CUL9: variants seen among roughly 807,000 people sequenced by gnomAD.
CUL9 encodes cullin 9, also known as cullin-9.
CUL9 carries 79 observed loss-of-function variants against 272.6 expected under a neutral mutation model. The ratio of observed to expected loss-of-function variants is 0.29; its 90% confidence interval spans 0.24 to 0.35. CUL9 has a LOEUF of 0.35. Ranked by LOEUF, CUL9 falls within the 10% of genes least tolerant of loss-of-function variation. The pLI is 1.00. For synonymous variants in CUL9, 1,186 were observed against 1,286.5 expected, an observed-to-expected ratio of 0.92 and a Z score of 1.67; for missense variants, 2,532 against 3,255.6, an observed-to-expected ratio of 0.78 and a Z score of 5.41.
Position 43,204,101 on chromosome 6 carries a change from T to A in CUL9, c.4159+114T>A, listed in dbSNP as rs561050105. The A allele has an allele frequency of 1.6e-5, 21 of 1,354,026 alleles. No individual in the cohort carries two copies. The African/African-American group carries it at 2.3e-4, about 15-fold the overall frequency. The allele number at this position is 1,354,026 out of a possible 1,614,324, so 83.9% of individuals were successfully genotyped here. On this transcript the variant is annotated intron_variant, in intron 20 of 40. Transcript: ENST00000252050. Reference sequence around the variant, plus strand: ...TCCTGTCTTTATCCCTGAAGGCCTGTCACCTCAGTGTTCCTCTCTCCTTCC... The same window carrying A: ...TCCTGTCTTTATCCCTGAAGGCCTGACACCTCAGTGTTCCTCTCTCCTTCC...
intron 8 of CUL9, among the ~76,000 whole-genome samples, chr6:43,190,195 C>A (rs764674922): frequency 4.0e-5 from 6 of 151,742 alleles, no homozygotes; most frequent in Non-Finnish European, 8.8e-5. Flanking sequence ...ATATTGTCGT[C>A]TTTTTTAATC....
chr6:43,184,680 C>T lies in CUL9; in HGVS notation c.370C>T (p.Arg124Cys), dbSNP rs760368335. The change falls in exon 2 of 41, where the codon CGC becomes TGC. Residue 124 changes from arginine (R) to cysteine (C), a missense_variant. Coordinates refer to ENST00000252050, the MANE Select transcript of CUL9 (RefSeq NM_015089.4). The surrounding 1 kb of genome is among the most constrained non-coding windows in gnomAD (Gnocchi z 4.8). ...GGAGGCTGATGTTCAGGCGCTGGTA[C>T]GCAGGGCGGCCAGGCAGCTGGCAGA... ...EMEADVQALVRRAARQLAESG... is the reference protein window; with the variant it reads ...EMEADVQALVCRAARQLAESG... 2.9e-5 allele frequency: 46 copies of T among 1,612,640 alleles called. No homozygotes were observed. Among genetic ancestry groups the T allele is most frequent in the East Asian group, 4.5e-5 (2 of 44,846 alleles).
intron 6 of CUL9, 132 bp downstream of exon 6, chr6:43,187,571 CTGGGGGT>C: frequency 7.6e-7 from 1 of 1,323,786 alleles, no homozygotes; most frequent in Non-Finnish European, 1.1e-6. Flanking sequence ...AGGAGTCCTG[CTGGGGGT>C]TGGAGGCAAG....
At chr6:43,212,368 AG>A (rs903563595) in intron 26 of CUL9, among the ~76,000 whole-genome samples, 1 of 152,188 alleles carries the variant, frequency 6.6e-6, no homozygotes, top group Non-Finnish European at 1.5e-5. Flanking sequence ...TCATTTCATT[AG>A]GGGTTTTGAA....
At chr6:43,191,481 ATTTTTTT>A (rs34090146) in intron 8 of CUL9, among the ~76,000 whole-genome samples, 4 of 97,454 alleles carry the variant, frequency 4.1e-5, no homozygotes, top group African/African-American at 2.0e-4. Flanking sequence ...CACCCAGCTA[ATTTTTTT>A]TTTTTTTTTT....
rs1582438859 is a variant in CUL9, at chr6:43,221,509, C to T, written c.6753-176C>T. 3.4e-6 allele frequency: 3 copies of T among 876,928 alleles called. No individual in the cohort carries two copies. Among genetic ancestry groups the T allele is most frequent in the East Asian group, 5.3e-5 (2 of 37,708 alleles). The allele number at this position is 876,928 out of a possible 1,614,324, so 54.3% of individuals were successfully genotyped here. A position where few individuals can be genotyped will look rare whatever the true frequency, so the allele number is the denominator to read the frequency against. On this transcript the variant is annotated intron_variant, in intron 34 of 40. Coordinates refer to ENST00000252050, the MANE Select transcript of CUL9 (RefSeq NM_015089.4). This position sits in a 1 kb window ranked among gnomAD's most constrained non-coding sequence, Gnocchi z 4.2. ...TCCTTCTCCCACTCGTAAGTCCACACTGACTGGGGGAGTTCAAAAGCAGAG... is the reference window on the plus strand; with the variant it reads ...TCCTTCTCCCACTCGTAAGTCCACATTGACTGGGGGAGTTCAAAAGCAGAG...
intron 31 of CUL9, among the ~76,000 whole-genome samples, chr6:43,216,844 G>C (rs1268059208): frequency 6.6e-6 from 1 of 152,208 alleles, no homozygotes. Context: ...TCTACAGGAA[G>C]TTTTAAAGCC....
Position 43,205,323 on chromosome 6 carries a change from G to T in CUL9, c.4693G>T (p.Ala1565Ser), listed in dbSNP as rs1774961926. ...QQIQGGLIGGAPGVEMLGQLQ... is the reference protein window; with the variant it reads ...QQIQGGLIGGSPGVEMLGQLQ... ...GATCCAGGGTGGCCTGATTGGTGGAGCCCCTGGAGTGGAAATGCTGGGGCA... is the reference window on the plus strand; with the variant it reads ...GATCCAGGGTGGCCTGATTGGTGGATCCCCTGGAGTGGAAATGCTGGGGCA... Residue 1565 changes from alanine to serine, a missense_variant, in exon 24 of 41, where the codon GCC becomes TCC. Physicochemically the swap from Ala to Ser is moderately conservative, Grantham distance 99. Coordinates refer to ENST00000252050, the MANE Select transcript of CUL9 (RefSeq NM_015089.4). 1 of 1,614,114 alleles carries T rather than the reference G, an allele frequency of 6.2e-7. No homozygotes were observed. Among genetic ancestry groups the T allele is most frequent in the Admixed American group, 1.7e-5 (1 of 60,004 alleles).
chr6:43,213,083 C>G lies in CUL9; in HGVS notation c.5213-66C>G. The G allele has an allele frequency of 1.3e-6, 2 of 1,570,044 alleles. No individual in the cohort carries two copies. Among genetic ancestry groups the G allele is most frequent in the Non-Finnish European group, 1.7e-6 (2 of 1,151,860 alleles). ...GACTAGTAGGAGCAAAGCTTGACAC[C>G]TCAACCCCTAAACCCCTTGTTTCGC... On this transcript the variant is annotated intron_variant, in intron 26 of 40. Coordinates refer to ENST00000252050, the MANE Select transcript of CUL9 (RefSeq NM_015089.4). This position sits in a 1 kb window ranked among gnomAD's most constrained non-coding sequence, Gnocchi z 5.7.
intron 1 of CUL9, among the ~76,000 whole-genome samples, chr6:43,182,461 C>T (rs927648750): frequency 3.3e-5 from 5 of 151,674 alleles, no homozygotes; most frequent in African/African-American, 1.2e-4. Context: ...CCTCCACCTC[C>T]CCACGGCTCT....
intron 7 of CUL9, 36 bp from the exon 8 acceptor site, chr6:43,188,487 G>A: frequency 6.5e-7 from 1 of 1,547,384 alleles, no homozygotes; most frequent in Non-Finnish European, 8.7e-7. Flanking sequence ...AGGTGCCACA[G>A]TTCTTTTAGC....
intron 24 of CUL9, among the ~76,000 whole-genome samples, chr6:43,205,758 G>A (rs1365909888): frequency 6.6e-6 from 1 of 151,948 alleles, no homozygotes; most frequent in African/African-American, 2.4e-5. Context: ...GAACCCGGGA[G>A]GCAGAGGTTG....
intron 9 of CUL9, among the ~76,000 whole-genome samples, chr6:43,195,571 T>C (rs578048565): frequency 6.6e-6 from 1 of 152,172 alleles, no homozygotes; most frequent in African/African-American, 2.4e-5. Context: ...CCTTAGTTCC[T>C]TGGGGCAAAG....
At chr6:43,211,803 T>TA (rs960809092) in intron 26 of CUL9, among the ~76,000 whole-genome samples, 34 of 151,324 alleles carry the variant, frequency 2.2e-4, no homozygotes, top group East Asian at 1.6e-3. Flanking sequence ...ACTCTTTGTT[T>TA]AAAAAAAAAG....
chr6:43,207,110 C>T (rs1341604804), intron 26 of CUL9, among the ~76,000 whole-genome samples: 1 of 152,174 alleles, frequency 6.6e-6, no homozygotes, highest in Non-Finnish European at 1.5e-5. Flanking sequence ...AGCCACTGTG[C>T]CCGGCCAAAA....
At position 43,199,188 on chromosome 6, in the gene CUL9, G is replaced by A. The variant is rs547738481; in HGVS notation, c.3051-78G>A. The A allele has an allele frequency of 7.4e-5, 90 of 1,212,254 alleles. No homozygotes were observed. In the African/African-American group the frequency reaches 1.2e-3, roughly 16 times the overall value. The allele number at this position is 1,212,254 out of a possible 1,614,324, so 75.1% of individuals were successfully genotyped here. A position where few individuals can be genotyped will look rare whatever the true frequency, so the allele number is the denominator to read the frequency against. On this transcript the variant is annotated intron_variant, in intron 12 of 40. Transcript: ENST00000252050. This position sits in a 1 kb window ranked among gnomAD's most constrained non-coding sequence, Gnocchi z 4.4. ...CGACCTCAGGTGATCCGCCCACTTCGGCCTCCCAAAGTGCTGGGATTACAG... is the reference window on the plus strand; with the variant it reads ...CGACCTCAGGTGATCCGCCCACTTCAGCCTCCCAAAGTGCTGGGATTACAG...
intron 8 of CUL9, 93 bp from the exon 9 acceptor site, chr6:43,192,908 A>T: frequency 9.3e-7 from 1 of 1,078,292 alleles, no homozygotes; most frequent in South Asian, 1.4e-5. Context: ...ATCTTGGTGG[A>T]TGGGATTGGT....
Position 43,213,949 on chromosome 6 carries a change from G to A in CUL9, c.5688+37G>A, listed in dbSNP as rs1775730955. Reference sequence around the variant, plus strand: ...GGGGACCATGAAGTTGGCGGAGGGAGGGAGTCATGCTTGGGATTGGGGATG... The same window carrying A: ...GGGGACCATGAAGTTGGCGGAGGGAAGGAGTCATGCTTGGGATTGGGGATG... On this transcript the variant is annotated intron_variant, in intron 29 of 40. Transcript: ENST00000252050. The surrounding 1 kb of genome is among the most constrained non-coding windows in gnomAD (Gnocchi z 5.7). 1 of 1,605,732 alleles carries A rather than the reference G, an allele frequency of 6.2e-7. No individual in the cohort carries two copies. The highest frequency in any genetic ancestry group is 1.3e-5 in the African/African-American group (1 of 74,848).
chr6:43,189,211 G>A (rs977812174), intron 8 of CUL9, among the ~76,000 whole-genome samples: 1 of 138,588 alleles, frequency 7.2e-6, no homozygotes, highest in African/African-American at 2.7e-5. Flanking sequence ...ATTTATTTTT[G>A]AGACAGTCTT....
Sources: gnomAD v4.1 joint callset for allele counts (sites outside exome capture counted in the v4.1 genomes callset) on GRCh38, gnomAD v4.1.1 for gene constraint, Gnocchi (gnomAD v3.1) non-coding constraint, MANE v1.5 for transcripts, NCBI Gene and HGNC (gene_info 2026-07-23, HGNC 2026-07-21) for gene names.